LRP8: variants seen among roughly 807,000 people sequenced by gnomAD.
The protein encoded by LRP8 is LDL receptor related protein 8.
In LRP8, 46 loss-of-function variants were observed where a neutral mutation model predicts 111.6. The ratio of observed to expected loss-of-function variants is 0.41; its 90% CI spans 0.33 to 0.53. LRP8 has a LOEUF of 0.53. Among genes scored for constraint, LRP8 ranks in the 20% least tolerant of loss-of-function variants. LRP8 has a pLI of 0.20. For synonymous variants in LRP8, 464 were observed against 511.2 expected (o/e 0.91, Z 1.24); for missense variants, 959 against 1,297.4 (o/e 0.74, Z 4.01).
At chr1:53,254,697 AAAC>A (rs1342819747) in intron 16 of LRP8, among the ~76,000 whole-genome samples, 2 of 152,218 alleles carry the variant, frequency 1.3e-5, no homozygotes, top group African/African-American at 4.8e-5. Flanking sequence ...AACAGAAAGA[AAAC>A]AAGACAGTAT....
At chr1:53,284,372 A>T (rs1177179243) in intron 3 of LRP8, among the ~76,000 whole-genome samples, 1 of 152,174 alleles carries the variant, frequency 6.6e-6, no homozygotes, top group African/African-American at 2.4e-5. Context: ...CATTTTATAG[A>T]TGAGGAAACT....
At chr1:53,297,548 TC>T (rs531145097) in intron 2 of LRP8, among the ~76,000 whole-genome samples, 22 of 152,016 alleles carry the variant, frequency 1.4e-4, no homozygotes, top group Admixed American at 1.1e-3. Flanking sequence ...ATTCGCCCTC[TC>T]CCCCACCTTC....
At chr1:53,263,888 G>C (rs960618798) in intron 10 of LRP8, among the ~76,000 whole-genome samples, 1 of 152,146 alleles carries the variant, frequency 6.6e-6, no homozygotes, top group Non-Finnish European at 1.5e-5. Flanking sequence ...CTGAAGAAAG[G>C]CTTCCTCCCC....
rs1645846667 is a variant in LRP8, at chr1:53,250,086, A to C, written c.2677-530T>G. ...AGCTTTCTAGAAGAGGGGACTCCTGAGCTTCCACCACGGCATTCAGCACAC... is the reference window on the plus strand; with the variant it reads ...AGCTTTCTAGAAGAGGGGACTCCTGCGCTTCCACCACGGCATTCAGCACAC... On this transcript the variant is annotated intron_variant, in intron 17 of 18. Transcript: ENST00000306052. The surrounding 1 kb of genome is among the most constrained non-coding windows in gnomAD (Gnocchi z 4.6). Among the ~76,000 whole-genome samples the C allele has an allele frequency of 6.6e-6, 1 of 152,182 alleles. No individual in the cohort carries two copies. The highest frequency in any genetic ancestry group is 1.5e-5 in the Non-Finnish European group (1 of 68,038).
intron 8 of LRP8, among the ~76,000 whole-genome samples, chr1:53,270,670 G>A (rs997410231): frequency 2.0e-5 from 3 of 152,180 alleles, no homozygotes; most frequent in East Asian, 1.9e-4. Context: ...GAACTCTTAG[G>A]GCTGCCGCTG....
chr1:53,273,020 T>G (rs1268858394), intron 6 of LRP8, among the ~76,000 whole-genome samples: 1 of 152,194 alleles, frequency 6.6e-6, no homozygotes, highest in African/African-American at 2.4e-5. Context: ...TGGCTTCTGA[T>G]GAAGGAAGGC....
chr1:53,313,576 G>C (rs1324579254), intron 2 of LRP8, among the ~76,000 whole-genome samples: 2 of 152,162 alleles, frequency 1.3e-5, no homozygotes, highest in African/African-American at 2.4e-5. Context: ...GACCCACCTA[G>C]GGGAGGAAGC....
chr1:53,318,554 A>G (rs2100542124), intron 2 of LRP8, among the ~76,000 whole-genome samples: 1 of 152,348 alleles, frequency 6.6e-6, no homozygotes, highest in Admixed American at 6.5e-5. Flanking sequence ...GAAAGGACCA[A>G]GCAAATGCAC....
At chr1:53,272,511 A>T in intron 6 of LRP8, 1 of 1,169,636 alleles carries the variant, frequency 8.5e-7, no homozygotes, top group Non-Finnish European at 1.1e-6. Flanking sequence ...GGCCATGCAT[A>T]TAGCTGGTCT....
intron 2 of LRP8, among the ~76,000 whole-genome samples, chr1:53,304,090 T>C (rs1462009052): frequency 6.6e-6 from 1 of 152,140 alleles, no homozygotes; most frequent in Non-Finnish European, 1.5e-5. Context: ...GAATTCCAAC[T>C]TGCTGAGCGA....
rs556054599 is a variant in LRP8, at chr1:53,249,290, A to G, written c.2853+90T>C. The G allele has an allele frequency of 6.9e-6, 10 of 1,448,260 alleles. No individual in the cohort carries two copies. The South Asian group carries it at 1.4e-4, about 20-fold the overall frequency. The allele number at this position is 1,448,260 out of a possible 1,614,324, so 89.7% of individuals were successfully genotyped here. A position where few individuals can be genotyped will look rare whatever the true frequency, so the allele number is the denominator to read the frequency against. ...CCAGCTTACAATTTGCAGCCTTCCCAAACCAGAAAGCCTTCTAGGATTGGC... is the reference window on the plus strand; with the variant it reads ...CCAGCTTACAATTTGCAGCCTTCCCGAACCAGAAAGCCTTCTAGGATTGGC... On this transcript the variant is annotated intron_variant, in intron 18 of 18. Transcript: ENST00000306052. This position sits in a 1 kb window ranked among gnomAD's most constrained non-coding sequence, Gnocchi z 4.1.
chr1:53,323,359 G>A (rs1352561145), intron 2 of LRP8, among the ~76,000 whole-genome samples: 1 of 152,230 alleles, frequency 6.6e-6, no homozygotes, highest in Non-Finnish European at 1.5e-5. Flanking sequence ...ACGATGCCCG[G>A]TCCACAGCAA....
At chr1:53,289,539 C>A in intron 3 of LRP8, 28 bp downstream of exon 3, 2 of 1,578,600 alleles carry the variant, frequency 1.3e-6, no homozygotes, top group South Asian at 1.2e-5. Context: ...GAGGCCCACC[C>A]CCACCCAGAC....
chr1:53,301,781 G>A (rs1242642613), intron 2 of LRP8, among the ~76,000 whole-genome samples: 2 of 152,052 alleles, frequency 1.3e-5, no homozygotes, highest in African/African-American at 2.4e-5. Context: ...CTTGAGGCAG[G>A]ACCAGAACGC....
intron 9 of LRP8, among the ~76,000 whole-genome samples, chr1:53,265,582 T>A (rs1646521560): frequency 6.6e-6 from 1 of 152,236 alleles, no homozygotes; most frequent in African/African-American, 2.4e-5. Context: ...ATCCTGCCTC[T>A]TTCAGTTACA....
intron 2 of LRP8, among the ~76,000 whole-genome samples, chr1:53,312,522 C>T (rs1446128667): frequency 6.8e-6 from 1 of 146,282 alleles, no homozygotes; most frequent in Non-Finnish European, 1.5e-5. Flanking sequence ...TGACACCTGG[C>T]TAATTTTTTT....
intron 13 of LRP8, 94 bp from the exon 14 acceptor site, chr1:53,258,565 A>C (rs1013981252): frequency 7.6e-6 from 9 of 1,183,324 alleles, no homozygotes; most frequent in African/African-American, 3.1e-5. Context: ...TGGCTTGCTC[A>C]AAAAGCTTGC....
At chr1:53,320,985 A>G (rs1049653850) in intron 2 of LRP8, among the ~76,000 whole-genome samples, 19 of 152,238 alleles carry the variant, frequency 1.2e-4, no homozygotes, top group Non-Finnish European at 2.6e-4. Flanking sequence ...CAGTTTCATC[A>G]TCTTCGAAAT....
intron 3 of LRP8, 33 bp from the exon 4 acceptor site, chr1:53,280,748 C>T (rs562329837): frequency 6.2e-7 from 1 of 1,606,028 alleles, no homozygotes; most frequent in South Asian, 1.1e-5. Flanking sequence ...ATAGCTTAGC[C>T]AAGGGGGACA....
Sources: gnomAD v4.1 joint callset for allele counts (sites outside exome capture counted in the v4.1 genomes callset) on GRCh38, gnomAD v4.1.1 for gene constraint, Gnocchi (gnomAD v3.1) non-coding constraint, MANE v1.5 for transcripts, NCBI Gene and HGNC (gene_info 2026-07-23, HGNC 2026-07-21) for gene names.